The following ADD3 variants were observed in gnomAD, a reference collection of about 807,000 sequenced individuals.
ADD3 encodes gamma-adducin.
ADD3 carries 25 observed loss-of-function variants against 80.2 expected under a neutral mutation model. The ratio of observed to expected loss-of-function variants is 0.31; its 90% confidence interval spans 0.23 to 0.44. The LOEUF is 0.44. ADD3 is among the 20% of genes least tolerant of loss of function. The pLI is 1.00. For missense variants in ADD3, 829 were observed against 847.5 expected, an observed-to-expected ratio of 0.98 and a Z score of 0.27; for synonymous variants, 284 against 289.6, an observed-to-expected ratio of 0.98 and a Z score of 0.20.
rs142724319 is a variant in ADD3, at chr10:110,071,158, G to A, written c.-29-29467G>A. ...TTTTACTGGGTAAAGTATTTGAAAC[G>A]TAAAACATATTTTTCCAAGTAAAAT... On this transcript the variant is annotated intron_variant, in intron 1 of 14. Transcript: ENST00000356080. 3.6e-3 allele frequency among the ~76,000 whole-genome samples: 542 copies of A among 152,050 alleles called. 12 individuals carry two copies. The highest frequency in any genetic ancestry group is 0.025 in the Admixed American group (378 of 15,282).
rs753083630 is a variant in ADD3 at position 110,133,472 on chromosome 10, G to A, written c.1975G>A (p.Glu659Lys). 3.3e-5 allele frequency: 54 copies of A among 1,613,746 alleles called. No individual in the cohort carries two copies. The highest frequency in any genetic ancestry group is 4.4e-5 in the Non-Finnish European group (52 of 1,179,878). The change falls in exon 15 of 15, where the codon GAG becomes AAG. Residue 659 changes from glutamate (E) to lysine (K), a missense_variant. Transcript: ENST00000356080. ...LSTSTTIENIEITIKSPEKIE... is the reference protein window; with the variant it reads ...LSTSTTIENIKITIKSPEKIE... ...CACAAGTACAACCATAGAAAACATC[G>A]AGATTACTATTAAGTCTCCAGAGAA...
chr10:110,065,071 C>T (rs1843734796), intron 1 of ADD3, among the ~76,000 whole-genome samples: 1 of 152,042 alleles, frequency 6.6e-6, no homozygotes, highest in Non-Finnish European at 1.5e-5. Context: ...TTACAAATTT[C>T]TTTACTCACT....
chr10:110,003,258 G>C (rs1851521851), upstream of ADD3, among the ~76,000 whole-genome samples: 1 of 151,382 alleles, frequency 6.6e-6, no homozygotes, highest in Admixed American at 6.6e-5. Flanking sequence ...CAACCCAAGG[G>C]AAAATCCTCA....
chr10:110,097,413 T>C (rs545805973), intron 1 of ADD3, among the ~76,000 whole-genome samples: 3 of 152,272 alleles, frequency 2.0e-5, no homozygotes, highest in African/African-American at 7.2e-5. Flanking sequence ...TTGTCTTATA[T>C]TGGATTAATG....
At chr10:110,091,898 A>T (rs975978439) in intron 1 of ADD3, among the ~76,000 whole-genome samples, 2 of 152,216 alleles carry the variant, frequency 1.3e-5, no homozygotes, top group East Asian at 3.8e-4. Flanking sequence ...CCCAACAGGT[A>T]AACAACCCCT....
chr10:110,014,319 G>T (rs1852672021), intron 1 of ADD3, among the ~76,000 whole-genome samples: 1 of 152,172 alleles, frequency 6.6e-6, no homozygotes, highest in Non-Finnish European at 1.5e-5. Context: ...TTGGAAAATG[G>T]CAATGGTCAG....
At chr10:110,122,995 G>T (rs1851709236) in intron 9 of ADD3, among the ~76,000 whole-genome samples, 1 of 151,960 alleles carries the variant, frequency 6.6e-6, no homozygotes, top group Admixed American at 6.6e-5. Context: ...TCTGTGCCTG[G>T]TTTATTTTAT....
intron 1 of ADD3, among the ~76,000 whole-genome samples, chr10:110,093,028 T>C (rs1847741476): frequency 6.6e-6 from 1 of 152,154 alleles, no homozygotes; most frequent in Non-Finnish European, 1.5e-5. Context: ...CCAGCTAATT[T>C]TTACATTTTT....
intron 1 of ADD3, among the ~76,000 whole-genome samples, chr10:110,096,290 A>G (rs1476631286): frequency 1.3e-5 from 2 of 152,276 alleles, no homozygotes; most frequent in East Asian, 1.9e-4. Flanking sequence ...TGCTCTCATT[A>G]TGCAACATAA....
chr10:110,043,214 A>C (rs1377287908), intron 1 of ADD3, among the ~76,000 whole-genome samples: 4 of 152,204 alleles, frequency 2.6e-5, no homozygotes, highest in Non-Finnish European at 5.9e-5. Context: ...TTACAGGTGG[A>C]CTTCTCTTCC....
chr10:110,100,785 T>G lies in ADD3; in HGVS notation c.132T>G (p.Asp44Glu). 6.2e-7 allele frequency: 1 copy of G among 1,613,604 alleles called. No individual in the cohort carries two copies. The highest frequency in any genetic ancestry group is 8.5e-7 in the Non-Finnish European group (1 of 1,179,770). The change falls in exon 2 of 15, where the codon GAT (aspartate) becomes GAG (glutamate). Residue 44 changes from aspartate (D) to glutamate (E), a missense_variant. Physicochemically the swap from Asp to Glu is conservative, Grantham distance 45. Transcript: ENST00000356080. Reference protein sequence around the residue: ...EYIRERNMSPDLRQDFNMMEQ... With the variant: ...EYIRERNMSPELRQDFNMMEQ... ...TTAGGGAGAGGAACATGTCTCCTGA[T>G]CTACGACAAGACTTCAACATGATGG...
At chr10:110,087,807 G>T (rs1846984493) in intron 1 of ADD3, among the ~76,000 whole-genome samples, 1 of 152,160 alleles carries the variant, frequency 6.6e-6, no homozygotes, top group Admixed American at 6.5e-5. Context: ...TAGTTTCCTA[G>T]AACTGCTATA....
At chr10:110,099,441 G>T (rs184615043) in intron 1 of ADD3, among the ~76,000 whole-genome samples, 131 of 152,106 alleles carry the variant, frequency 8.6e-4, no homozygotes, top group African/African-American at 3.0e-3. Context: ...AGAGTTTCTA[G>T]GGCATTGTTT....
At chr10:110,078,628 G>T (rs559116129) in intron 1 of ADD3, among the ~76,000 whole-genome samples, 3 of 152,306 alleles carry the variant, frequency 2.0e-5, no homozygotes, top group African/African-American at 7.2e-5. Context: ...GCTATTAGTT[G>T]TGTAGCCTTG....
intron 1 of ADD3, among the ~76,000 whole-genome samples, chr10:110,020,792 C>T (rs1853580759): frequency 6.6e-6 from 1 of 152,040 alleles, no homozygotes; most frequent in African/African-American, 2.4e-5. Context: ...AAGATAGAAT[C>T]AATAGGATTT....
chr10:110,122,419 A>T, intron 9 of ADD3, 127 bp downstream of exon 9: 2 of 780,120 alleles, frequency 2.6e-6, no homozygotes, highest in South Asian at 4.0e-5. Context: ...AAAGCATTTC[A>T]TTGTTATTTA....
At position 110,034,177 on chromosome 10, in the gene ADD3, G is replaced by A. The variant is rs186971892; in HGVS notation, c.-30+25878G>A. On this transcript the variant is annotated intron_variant, in intron 1 of 14. Transcript: ENST00000356080. ...ACAAATCTCTAGAGTTTATTTTTTT[G>A]ATTACATTTTGGAACTACTACAATT... Among the ~76,000 whole-genome samples, 118 of 151,980 alleles carry A rather than the reference G, an allele frequency of 7.8e-4. 1 individual carries two copies. Among genetic ancestry groups the A allele is most frequent in the Admixed American group, 4.7e-3 (71 of 15,256 alleles).
chr10:110,064,902 AC>A (rs1336332502), intron 1 of ADD3, among the ~76,000 whole-genome samples: 3 of 152,204 alleles, frequency 2.0e-5, no homozygotes, highest in Admixed American at 6.5e-5. Flanking sequence ...TACAAAAAAT[AC>A]AAAAATTAGC....
chr10:110,019,956 G>A (rs1179869068), intron 1 of ADD3, among the ~76,000 whole-genome samples: 6 of 152,188 alleles, frequency 3.9e-5, no homozygotes, highest in African/African-American at 1.2e-4. Flanking sequence ...TCGGAAGCTA[G>A]AGCCTTTGGC....
Sources: allele counts gnomAD v4.1 joint callset (sites outside exome capture counted in the v4.1 genomes callset), GRCh38; gene constraint gnomAD v4.1.1; transcripts MANE v1.5; gene names NCBI Gene and HGNC (gene_info 2026-07-23, HGNC 2026-07-21).